The following ATAD2 variants were observed in gnomAD, a reference collection of about 807,000 sequenced individuals.
ATAD2 encodes the protein ATPase family AAA domain-containing protein 2.
A neutral mutation model predicts 168.9 loss-of-function variants in ATAD2; 62 were observed. The observed-to-expected ratio is 0.37, with a 90% CI of 0.30 to 0.45. The LOEUF (loss-of-function observed/expected upper bound fraction) is 0.45. ATAD2 is among the 20% of genes least tolerant of loss of function. ATAD2 has a pLI of 1.00. For synonymous variants in ATAD2, 613 were observed against 571.6 expected (o/e 1.07, Z -1.03); for missense variants, 1,419 against 1,667.8 (o/e 0.85, Z 2.60).
intron 1 of ATAD2, among the ~76,000 whole-genome samples, chr8:123,390,363 A>C (rs1829793651): frequency 6.6e-6 from 1 of 152,042 alleles, no homozygotes; most frequent in Non-Finnish European, 1.5e-5. Flanking sequence ...GTCTCATCAG[A>C]TCCCTGTTCT....
At chr8:123,398,200 C>CT (rs1287216465), upstream of ATAD2, among the ~76,000 whole-genome samples, 10 of 132,746 alleles carry the variant, frequency 7.5e-5, no homozygotes, top group Admixed American at 7.4e-5. Context: ...GGGAGTCCTG[C>CT]TTTTTTTTTG....
chr8:123,402,304 TG>T lies in ATAD2; in HGVS notation c.-2281-1130del, dbSNP rs1190661131. 1.3e-5 allele frequency among the ~76,000 whole-genome samples: 2 copies of T among 152,048 alleles called. No homozygotes were observed. The highest frequency in any genetic ancestry group is 2.9e-5 in the Non-Finnish European group (2 of 67,946). ...CCCCTGCAGAGTCAGGACTGCTCCC[TG>T]GGCCAGGCTGCCCTGGGAGGCCCCC... is the stretch of plus-strand genomic sequence containing the variant. On this transcript the variant is annotated intron_variant, in intron 1 of 28. Transcript: ENST00000521903. This position sits in a 1 kb window ranked among gnomAD's most constrained non-coding sequence, Gnocchi z 4.8.
At chr8:123,327,939 T>G (rs958655443) in intron 25 of ATAD2, among the ~76,000 whole-genome samples, 6 of 152,232 alleles carry the variant, frequency 3.9e-5, no homozygotes, top group African/African-American at 1.4e-4. Flanking sequence ...GCTGACAAGT[T>G]AAGTATCTTG....
At chr8:123,384,074 C>T (rs555207067) in intron 1 of ATAD2, among the ~76,000 whole-genome samples, 13 of 142,976 alleles carry the variant, frequency 9.1e-5, no homozygotes, top group South Asian at 4.4e-4. Flanking sequence ...AGCGAGACTC[C>T]GTCTCAAAAA....
upstream of ATAD2, among the ~76,000 whole-genome samples, chr8:123,397,275 C>CA (rs1028562527): frequency 1.4e-4 from 19 of 136,458 alleles, 1 homozygote; most frequent in South Asian, 4.3e-3. Flanking sequence ...GAACCTGTTT[C>CA]AAAAAAAAGA....
rs1714011469 is a variant in ATAD2 at position 123,359,675 on chromosome 8, G to A, written c.1168C>T (p.Leu390=). Residue 390 remains leucine, a synonymous_variant, in exon 10 of 28, where the codon CTA becomes TTA. Coordinates refer to ENST00000287394, the MANE Select transcript of ATAD2 (RefSeq NM_014109.4). Reference sequence around the variant, plus strand: ...TTTAATTCATCTTTCCGAAAATTTAGTGGGAGGCACCTATTTAAAAAGATT... The same window carrying A: ...TTTAATTCATCTTTCCGAAAATTTAATGGGAGGCACCTATTTAAAAAGATT... ...RNRAINRCLP[L]NFRKDELKGI... The A allele has an allele frequency of 6.2e-7, 1 of 1,611,348 alleles. No individual in the cohort carries two copies. Among genetic ancestry groups the A allele is most frequent in the Non-Finnish European group, 8.5e-7 (1 of 1,178,728 alleles).
In ATAD2 at chr8:123,346,750, T is replaced by G. The variant is rs1371445713; in HGVS notation, c.2213A>C (p.Asp738Ala). ...EFRTNKTLDS[D>A]ISCPLLESDL... ...ACTTTCTAGCAGAGGACAAGAAATA[T>G]CTATAAAACCAAAAAATTGTACATT... The change falls in exon 17 of 28, where the codon GAT becomes GCT. Residue 738 changes from aspartate (D) to alanine (A), a missense_variant and splice_region_variant. By Grantham distance (126) the Asp-to-Ala change is moderately radical. Coordinates refer to ENST00000287394, the MANE Select transcript of ATAD2 (RefSeq NM_014109.4). 7 of 1,577,912 alleles carry G rather than the reference T, an allele frequency of 4.4e-6. No homozygotes were observed. Among genetic ancestry groups the G allele is most frequent in the Non-Finnish European group, 6.0e-6 (7 of 1,169,096 alleles).
At chr8:123,394,241 G>A (rs1453508832) in intron 1 of ATAD2, among the ~76,000 whole-genome samples, 1 of 152,150 alleles carries the variant, frequency 6.6e-6, no homozygotes, top group Non-Finnish European at 1.5e-5. Flanking sequence ...CCAATGTGGT[G>A]GGTATCATCC....
At chr8:123,337,882 T>C in intron 20 of ATAD2, 61 bp from the exon 21 acceptor site, 2 of 1,460,122 alleles carry the variant, frequency 1.4e-6, no homozygotes, top group South Asian at 1.4e-5. Flanking sequence ...TGACAAATGA[T>C]TTAATGAAAA....
At chr8:123,337,899 C>A in intron 20 of ATAD2, 78 bp from the exon 21 acceptor site, 1 of 1,379,908 alleles carries the variant, frequency 7.2e-7, no homozygotes, top group South Asian at 1.5e-5. Flanking sequence ...AAAACAGAGT[C>A]AGGATTTGAG....
upstream of ATAD2, among the ~76,000 whole-genome samples, chr8:123,399,077 A>G (rs1812964227): frequency 6.6e-6 from 1 of 152,088 alleles, no homozygotes; most frequent in South Asian, 2.1e-4. Context: ...CTTGGTCAAC[A>G]TGGTGAAACC....
chr8:123,386,273 T>G (rs562609368), intron 1 of ATAD2, among the ~76,000 whole-genome samples: 1 of 152,278 alleles, frequency 6.6e-6, no homozygotes, highest in South Asian at 2.1e-4. Flanking sequence ...GCAACCCAAG[T>G]GTCCACTGAC....
chr8:123,409,166 T>C (rs1813115966), intron 1 of ATAD2, among the ~76,000 whole-genome samples: 1 of 152,136 alleles, frequency 6.6e-6, no homozygotes, highest in Non-Finnish European at 1.5e-5. Context: ...TACCTCTCTA[T>C]TGACCTCTCC....
chr8:123,382,566 T>A (rs1829521293), intron 1 of ATAD2, among the ~76,000 whole-genome samples: 1 of 152,224 alleles, frequency 6.6e-6, no homozygotes, highest in Admixed American at 6.5e-5. Context: ...TTCTTAAAAC[T>A]GATCAGCCTG....
chr8:123,371,799 C>T lies in ATAD2; in HGVS notation c.407G>A (p.Arg136Lys). 1 of 1,608,944 alleles carries T rather than the reference C, an allele frequency of 6.2e-7. No homozygotes were observed. The highest frequency in any genetic ancestry group is 8.5e-7 in the Non-Finnish European group (1 of 1,178,580). The stretch of plus-strand genomic sequence containing the variant: ...GTGTTCTGTACTTTGAACGATGTTT[C>T]TAGCCCTCAATGACCGAGTAACTGG... ...VIPVTRSLRARNIVQSTEHLH... is the reference protein window; with the variant it reads ...VIPVTRSLRAKNIVQSTEHLH... The change falls in exon 4 of 28, where the codon AGA becomes AAA. Residue 136 changes from arginine to lysine, a missense_variant. Transcript: ENST00000287394.
intron 1 of ATAD2, among the ~76,000 whole-genome samples, chr8:123,389,960 T>TTATATATATATATATATATA (rs386360951): frequency 1.5e-4 from 14 of 94,046 alleles, no homozygotes; most frequent in South Asian, 4.3e-4. Context: ...TACTATTATT[T>TTATATATATATATATATATA]TATATATATA....
intron 13 of ATAD2, among the ~76,000 whole-genome samples, chr8:123,354,837 CAAAAAAAAAAAAAAAAAA>C (rs71310668): frequency 4.4e-5 from 1 of 22,782 alleles, no homozygotes; most frequent in African/African-American, 3.0e-4. Context: ...GACTCTGTCT[CAAAAAAAAAAAAAAAAAA>C]AAAAAAAAAA....
chr8:123,360,163 C>G (rs1828770387), intron 9 of ATAD2, among the ~76,000 whole-genome samples: 1 of 152,148 alleles, frequency 6.6e-6, no homozygotes, highest in Admixed American at 6.5e-5. Context: ...ACTGATTTGT[C>G]CAAGATCACC....
chr8:123,386,020 CAAA>C (rs58687997), intron 1 of ATAD2, among the ~76,000 whole-genome samples: 10 of 81,084 alleles, frequency 1.2e-4, no homozygotes, highest in Admixed American at 2.5e-4. Context: ...TGGCTACTCA[CAAA>C]AAAAAAAAAA....
Sources: allele counts gnomAD v4.1 joint callset (sites outside exome capture counted in the v4.1 genomes callset), GRCh38; gene constraint gnomAD v4.1.1; non-coding constraint Gnocchi (gnomAD v3.1); transcripts MANE v1.5; gene names NCBI Gene and HGNC (gene_info 2026-07-23, HGNC 2026-07-21).